ANK2: variants seen among roughly 807,000 people sequenced by gnomAD.
The protein encoded by ANK2 is ankyrin 2, also known as ankyrin-2.
In ANK2, 83 loss-of-function variants were observed where a neutral mutation model predicts 360.5. The ratio of observed to expected loss-of-function variants is 0.23; its 90% confidence interval spans 0.19 to 0.28. The LOEUF (loss-of-function observed/expected upper bound fraction) is 0.28, where lower values mean the gene tolerates loss of function less well. Among genes scored for constraint, ANK2 ranks in the 10% least tolerant of loss-of-function variants. ANK2 has a pLI of 1.00. For missense variants in ANK2, 4,201 were observed against 4,795.7 expected, an observed-to-expected ratio of 0.88 and a Z score of 3.66; for synonymous variants, 1,740 against 1,759.5, an observed-to-expected ratio of 0.99 and a Z score of 0.28.
chr4:112,802,891 T>G, the ANK2 span, among the ~76,000 whole-genome samples: 1 of 152,176 alleles, frequency 6.6e-6, no homozygotes, highest in African/African-American at 2.4e-5. Context: ...AGTTGCTACT[T>G]CTTATTTATT....
the ANK2 span, among the ~76,000 whole-genome samples, chr4:112,750,049 C>T: frequency 6.6e-6 from 1 of 152,264 alleles, no homozygotes; most frequent in African/African-American, 2.4e-5. Context: ...TGGCATCTAG[C>T]TGTAGGTAAC....
Position 113,109,382 on chromosome 4 carries a change from A to G in ANK2, c.84+59570A>G, listed in dbSNP as rs114871816. ...TGTGGTCACAAGTGACTTGTGGAGC[A>G]TTTTAAACCAAGTTCGAAGCTTGAG... is the stretch of plus-strand genomic sequence containing the variant. On this transcript the variant is annotated intron_variant, in intron 1 of 45. Transcript: ENST00000357077. Among the ~76,000 whole-genome samples the G allele has an allele frequency of 1.7e-3, 261 of 152,276 alleles. 1 individual carries two copies. Among genetic ancestry groups the G allele is most frequent in the African/African-American group, 6.0e-3 (248 of 41,558 alleles).
chr4:113,270,714 A>G (rs1330798637), intron 14 of ANK2, among the ~76,000 whole-genome samples: 1 of 152,140 alleles, frequency 6.6e-6, no homozygotes, highest in Non-Finnish European at 1.5e-5. Flanking sequence ...TATGCATACA[A>G]ATTACCTGGG....
At chr4:112,998,748 T>A (rs1561474252) in intron 2 of ANK2, among the ~76,000 whole-genome samples, 1 of 152,236 alleles carries the variant, frequency 6.6e-6, no homozygotes, top group Non-Finnish European at 1.5e-5. Context: ...TATGTCATTG[T>A]GAATTTTGAA....
intron 2 of ANK2, among the ~76,000 whole-genome samples, chr4:113,034,301 TGTA>T (rs2061094205): frequency 6.6e-6 from 1 of 152,036 alleles, no homozygotes; most frequent in African/African-American, 2.4e-5. Flanking sequence ...TATAACCTGA[TGTA>T]GTTTTTCAAT....
chr4:112,964,155 A>G (rs1481037240), intron 2 of ANK2, among the ~76,000 whole-genome samples: 2 of 149,254 alleles, frequency 1.3e-5, no homozygotes, highest in Admixed American at 6.8e-5. Flanking sequence ...ATACTTTGAT[A>G]CAGGCATGCA....
chr4:113,286,510 T>C (rs29327), intron 18 of ANK2, among the ~76,000 whole-genome samples: 74,164 of 152,010 alleles, frequency 0.49, 19,125 homozygotes, highest in South Asian at 0.61. Context: ...AGTAGCACCA[T>C]GGCTGGAGAT....
At chr4:113,104,106 T>C (rs1158483604) in intron 1 of ANK2, among the ~76,000 whole-genome samples, 4 of 152,178 alleles carry the variant, frequency 2.6e-5, no homozygotes, top group Non-Finnish European at 5.9e-5. Flanking sequence ...CTTGTTGTTC[T>C]TTTCAGTGGT....
intron 2 of ANK2, among the ~76,000 whole-genome samples, chr4:112,953,953 G>A (rs75097294): frequency 0.04 from 5,969 of 149,842 alleles, 185 homozygotes; most frequent in South Asian, 0.08. Flanking sequence ...CCCCGCCCCC[G>A]TCTTTCTTTC....
intron 14 of ANK2, among the ~76,000 whole-genome samples, chr4:113,269,959 T>C (rs1369779490): frequency 3.3e-5 from 5 of 152,246 alleles, no homozygotes; most frequent in Non-Finnish European, 5.9e-5. Flanking sequence ...ATTGTCCACA[T>C]AGTGTAATTT....
the ANK2 span, among the ~76,000 whole-genome samples, chr4:112,809,851 A>C: frequency 4.4e-4 from 66 of 149,548 alleles, no homozygotes; most frequent in African/African-American, 1.5e-3. Context: ...AACCAAAAAC[A>C]CAAAAATTAG....
At chr4:112,946,768 A>G (rs767018735) in intron 2 of ANK2, among the ~76,000 whole-genome samples, 12 of 152,224 alleles carry the variant, frequency 7.9e-5, no homozygotes, top group Non-Finnish European at 1.3e-4. Context: ...TGAGGTAGGT[A>G]TGATAATTCT....
At chr4:113,274,829 T>G (rs2059660166) in intron 15 of ANK2, among the ~76,000 whole-genome samples, 180 bp downstream of exon 15, 1 of 152,242 alleles carries the variant, frequency 6.6e-6, no homozygotes, top group Non-Finnish European at 1.5e-5. Flanking sequence ...TCCGTATATC[T>G]TCAATAAAGA....
At chr4:113,043,890 A>G (rs913037765) in intron 2 of ANK2, among the ~76,000 whole-genome samples, 2 of 152,148 alleles carry the variant, frequency 1.3e-5, no homozygotes, top group Non-Finnish European at 1.5e-5. Flanking sequence ...TTGTGATTCT[A>G]TAGATCTGGC....
chr4:112,971,302 T>C (rs949052235), intron 2 of ANK2, among the ~76,000 whole-genome samples: 2 of 152,222 alleles, frequency 1.3e-5, no homozygotes, highest in African/African-American at 4.8e-5. Context: ...TTTATTCGCA[T>C]TTCTACTGCA....
intron 18 of ANK2, among the ~76,000 whole-genome samples, chr4:113,287,291 G>T (rs902485778): frequency 9.2e-5 from 14 of 152,164 alleles, no homozygotes; most frequent in Non-Finnish European, 1.6e-4. Context: ...CATCCAGATG[G>T]ATTTGAAATA....
the ANK2 span, among the ~76,000 whole-genome samples, chr4:112,712,992 A>C: frequency 1.3e-5 from 2 of 152,168 alleles, no homozygotes; most frequent in African/African-American, 2.4e-5. Flanking sequence ...CCCTCATGCT[A>C]ATCCTACTGT....
At chr4:113,111,724 A>G (rs2094319797) in intron 1 of ANK2, among the ~76,000 whole-genome samples, 1 of 152,238 alleles carries the variant, frequency 6.6e-6, no homozygotes. Context: ...TGTGAGCAAT[A>G]GAATAAAATA....
At position 113,297,125 on chromosome 4, in the gene ANK2, G is replaced by A. The variant is rs529599545; in HGVS notation, c.2475+3587G>A. ...GTTGTCTAATGGGTACAAAAATACA[G>A]TCAGATAGAAGGAGTAAGATCTAGT... On this transcript the variant is annotated intron_variant, in intron 22 of 45. Coordinates refer to ENST00000357077, the MANE Select transcript of ANK2 (RefSeq NM_001148.6). Among the ~76,000 whole-genome samples the A allele has an allele frequency of 3.9e-5, 6 of 152,184 alleles. No homozygotes were observed. In the South Asian group the frequency reaches 1.0e-3, roughly 26 times the overall value.
Sources: gnomAD v4.1 joint callset for allele counts (sites outside exome capture counted in the v4.1 genomes callset) on GRCh38, gnomAD v4.1.1 for gene constraint, MANE v1.5 for transcripts, NCBI Gene and HGNC (gene_info 2026-07-23, HGNC 2026-07-21) for gene names.